The following PLEKHS1 variants were observed in gnomAD, a reference collection of about 807,000 sequenced individuals.
PLEKHS1 encodes the protein pleckstrin homology domain-containing family S member 1.
PLEKHS1 carries 55 observed loss-of-function variants against 51.0 expected under a neutral mutation model. The ratio of observed to expected loss-of-function variants is 1.08; its 90% CI spans 0.87 to 1.35. The LOEUF (loss-of-function observed/expected upper bound fraction) is 1.35, where lower values mean the gene tolerates loss of function less well. PLEKHS1 is among the 40% of genes most tolerant of loss of function. The pLI is 0.00. For synonymous variants in PLEKHS1, 153 were observed against 144.8 expected (o/e 1.06, Z -0.41); for missense variants, 398 against 423.0 (o/e 0.94, Z 0.52).
chr10:113,775,013 G>A, exon 10 of PLEKHS1: 2 of 1,614,046 alleles, frequency 1.2e-6, no homozygotes, highest in Non-Finnish European at 1.7e-6. Flanking sequence ...ACTAACTGTT[G>A]TGCAATTGTC....
At chr10:113,769,751 T>C in intron 6 of PLEKHS1, 33 bp from the exon 7 acceptor site, 1 of 1,390,742 alleles carries the variant, frequency 7.2e-7, no homozygotes, top group Non-Finnish European at 1.0e-6. Context: ...AGAGATCAAC[T>C]GTGCCCTGAC....
intron 9 of PLEKHS1, 95 bp from the exon 10 acceptor site, chr10:113,774,731 C>A: frequency 9.0e-7 from 1 of 1,114,242 alleles, no homozygotes; most frequent in Non-Finnish European, 1.3e-6. Context: ...TGCTAGTCTT[C>A]ACATGGCTGT....
intron 2 of PLEKHS1, chr10:113,764,790 CTTTG>C (rs1198759625): frequency 6.6e-6 from 1 of 152,320 alleles, no homozygotes; most frequent in Non-Finnish European, 1.5e-5. Context: ...TGTTCTAACT[CTTTG>C]TTTATGTTGT....
chr10:113,775,682 G>A (rs538205094), intron 10 of PLEKHS1, 83 bp from the exon 11 acceptor site: 1 of 789,108 alleles, frequency 1.3e-6, no homozygotes, highest in Non-Finnish European at 2.0e-6. Context: ...CTCAGAAATA[G>A]AGGCCAAAAG....
intron 1 of PLEKHS1, 22 bp from the exon 2 acceptor site, chr10:113,755,237 C>A (rs1418187448): frequency 1.9e-6 from 3 of 1,599,736 alleles, no homozygotes; most frequent in South Asian, 1.1e-5. Context: ...TGGGGACTAA[C>A]ACTAACCCTT....
At position 113,755,368 on chromosome 10, in the gene PLEKHS1, T is replaced by G. The variant is rs971432539; in HGVS notation, c.28+63T>G. ...TTATTGAAAATGCCCCACGGTTTCC[T>G]TCAAGCTAACCAGGATACAGAACTT... On this transcript the variant is annotated intron_variant, in intron 2 of 11. Coordinates refer to ENST00000361048, the Ensembl canonical transcript of PLEKHS1. The G allele has an allele frequency of 7.6e-6, 12 of 1,569,860 alleles. No individual in the cohort carries two copies. In the East Asian group the frequency reaches 2.7e-4, roughly 36 times the overall value.
exon 7 of PLEKHS1, chr10:113,769,889 C>A: frequency 1.2e-6 from 2 of 1,612,264 alleles, no homozygotes; most frequent in Non-Finnish European, 1.7e-6. Flanking sequence ...AAGAAATGGT[C>A]TCCAAGACAA....
Position 113,775,847 on chromosome 10 carries a change from G to GA in PLEKHS1, c.1074dup (p.Ala359SerfsTer66). On this transcript the variant is annotated frameshift_variant, in exon 11 of 12. Transcript: ENST00000361048. LOFTEE classifies it high-confidence loss of function. ...TGTCATCAACTATCTTGCTCTCACA[G>GA]AAGCCACAGGACGGATATGGTAGGT... 1 of 1,611,668 alleles carries GA rather than the reference G, an allele frequency of 6.2e-7. No individual in the cohort carries two copies. The highest frequency in any genetic ancestry group is 1.7e-4 in the Middle Eastern group (1 of 6,058).
In PLEKHS1 at chr10:113,773,118, C is replaced by T. The variant is rs895109564; in HGVS notation, c.672+1029C>T. Among the ~76,000 whole-genome samples the T allele has an allele frequency of 1.1e-4, 17 of 152,212 alleles. No homozygotes were observed. In the East Asian group the frequency reaches 1.3e-3, roughly 12 times the overall value. On this transcript the variant is annotated intron_variant, in intron 8 of 11. Transcript: ENST00000361048. ...AAACATTCTGGGGTCAAATAAGTTC[C>T]GGAAACACCCAGTTAAAATAAGTTA...
chr10:113,771,186 C>G (rs1325698253), intron 7 of PLEKHS1: 1 of 152,190 alleles, frequency 6.6e-6, no homozygotes, highest in Non-Finnish European at 1.5e-5. Flanking sequence ...TTCATACTAT[C>G]ATATGATCAA....
intron 8 of PLEKHS1, among the ~76,000 whole-genome samples, chr10:113,773,427 G>GATAAATAAATAAATAAATAAATAAATAA (rs139521980): frequency 1.4e-3 from 209 of 147,754 alleles, no homozygotes; most frequent in African/African-American, 5.4e-3. Flanking sequence ...AAAGACCAAA[G>GATAAATAAATAAATAAATAAATAAATAA]ATAAATAAAT....
exon 7 of PLEKHS1, chr10:113,769,879 A>G: frequency 6.2e-7 from 1 of 1,613,690 alleles, no homozygotes; most frequent in African/African-American, 1.3e-5. Flanking sequence ...CCAGCTCACC[A>G]AGAAATGGTC....
chr10:113,767,417 C>T (rs1420205895), exon 5 of PLEKHS1: 2 of 1,613,152 alleles, frequency 1.2e-6, no homozygotes, highest in Admixed American at 1.7e-5. Flanking sequence ...TTAAATGCCA[C>T]CCTGATGAGG....
intron 2 of PLEKHS1, among the ~76,000 whole-genome samples, chr10:113,759,218 A>G (rs1222437011): frequency 3.9e-5 from 6 of 152,152 alleles, no homozygotes; most frequent in Non-Finnish European, 7.4e-5. Context: ...AGCCTGGCCA[A>G]CATGGTGAAG....
rs369177320 is a variant in PLEKHS1, at chr10:113,763,686, A to G, written c.29-2725A>G. 2.0e-5 allele frequency among the ~76,000 whole-genome samples: 3 copies of G among 152,218 alleles called. No individual in the cohort carries two copies. In the East Asian group the frequency reaches 5.8e-4, roughly 29 times the overall value. On this transcript the variant is annotated intron_variant, in intron 2 of 11. Coordinates refer to ENST00000361048, the Ensembl canonical transcript of PLEKHS1. ...CAAGTGATAGTATACCAATTCACAT[A>G]TAATAAAAGAACTTTACAAAAGCGT...
At chr10:113,772,483 A>T (rs1401526338) in intron 8 of PLEKHS1, among the ~76,000 whole-genome samples, 1 of 152,164 alleles carries the variant, frequency 6.6e-6, no homozygotes, top group Non-Finnish European at 1.5e-5. Context: ...TCCTTGGGTG[A>T]TCAGTTGTGT....
At chr10:113,778,788 C>T (rs959894561) in intron 11 of PLEKHS1, among the ~76,000 whole-genome samples, 1 of 152,102 alleles carries the variant, frequency 6.6e-6, no homozygotes, top group Non-Finnish European at 1.5e-5. Context: ...GGACTACAGG[C>T]GCCGGCCACT....
intron 11 of PLEKHS1, among the ~76,000 whole-genome samples, chr10:113,779,281 C>T (rs1468544945): frequency 6.6e-6 from 1 of 152,126 alleles, no homozygotes; most frequent in Non-Finnish European, 1.5e-5. Flanking sequence ...TGCCAAAGAT[C>T]CACACTGGGC....
rs570547286 is a variant in PLEKHS1 at position 113,779,942 on chromosome 10, G to A, written c.*-660G>A. Among the ~76,000 whole-genome samples the A allele has an allele frequency of 2.0e-5, 3 of 152,292 alleles. No individual in the cohort carries two copies. In the East Asian group the frequency reaches 5.8e-4, roughly 29 times the overall value. The stretch of plus-strand genomic sequence containing the variant: ...CCTCCATTCCTGATTTCTTTGTGTT[G>A]ATGGGTATCCACTGCTCTTTTAAAA... On this transcript the variant is annotated intron_variant, in intron 11 of 11. Coordinates refer to ENST00000361048, the Ensembl canonical transcript of PLEKHS1.
Sources: allele counts gnomAD v4.1 joint callset (sites outside exome capture counted in the v4.1 genomes callset), GRCh38; gene constraint gnomAD v4.1.1; transcripts MANE v1.5; gene names NCBI Gene and HGNC (gene_info 2026-07-23, HGNC 2026-07-21).